The following CNTN4 variants were observed in gnomAD, a reference collection of about 807,000 sequenced individuals.
The protein encoded by CNTN4 is contactin 4, also known as contactin-4.
CNTN4 carries 77 observed loss-of-function variants against 122.5 expected under a neutral mutation model. The ratio of observed to expected loss-of-function variants is 0.63; its 90% confidence interval spans 0.52 to 0.76. The LOEUF (loss-of-function observed/expected upper bound fraction) is 0.76, where lower values mean the gene tolerates loss of function less well. Ranked by LOEUF, CNTN4 falls within the 30% of genes least tolerant of loss-of-function variation. The pLI, the probability that CNTN4 is intolerant of heterozygous loss-of-function variation, is 0.00. For missense variants in CNTN4, 1,256 were observed against 1,259.1 expected (o/e 1.00, Z 0.04); for synonymous variants, 512 against 447.0 (o/e 1.15, Z -1.83).
intron 2 of CNTN4, among the ~76,000 whole-genome samples, chr3:2,163,837 A>C (rs930455240): frequency 6.6e-6 from 1 of 152,224 alleles, no homozygotes; most frequent in Admixed American, 6.5e-5. Context: ...TTAAAAAGTC[A>C]AAAAATAATA....
rs560662761 is a variant in CNTN4 at position 2,265,759 on chromosome 3, T to C, written c.-144-73419T>C. 7.9e-3 allele frequency among the ~76,000 whole-genome samples: 815 copies of C among 103,792 alleles called. 12 individuals are homozygous for C. Among genetic ancestry groups the C allele is most frequent in the African/African-American group, 0.023 (774 of 34,044 alleles). The allele number at this position is 103,792 out of a possible 152,430, so 68.1% of individuals were successfully genotyped here. A position where few individuals can be genotyped will look rare whatever the true frequency, so the allele number is the denominator to read the frequency against. ...ATTTCCTTCATCAGTGTTTTATATA[T>C]ATATATTTTTTTTTGTGGAGATCTT... On this transcript the variant is annotated intron_variant, in intron 2 of 24. Transcript: ENST00000418658.
intron 3 of CNTN4, among the ~76,000 whole-genome samples, chr3:2,410,218 T>G (rs940746304): frequency 6.6e-6 from 1 of 152,208 alleles, no homozygotes; most frequent in Non-Finnish European, 1.5e-5. Flanking sequence ...CCCATGAACT[T>G]TGTGGGACAG....
chr3:3,003,502 A>G (rs887821106), intron 14 of CNTN4, among the ~76,000 whole-genome samples: 4 of 152,136 alleles, frequency 2.6e-5, no homozygotes, highest in Admixed American at 6.5e-5. Flanking sequence ...AAAAGGCCAC[A>G]TACTATATGA....
chr3:2,522,633 T>C (rs1206448918), intron 3 of CNTN4, among the ~76,000 whole-genome samples: 1 of 152,024 alleles, frequency 6.6e-6, no homozygotes, highest in Non-Finnish European at 1.5e-5. Flanking sequence ...GAAAAACAGT[T>C]TGGACAGTGC....
intron 4 of CNTN4, among the ~76,000 whole-genome samples, chr3:2,692,010 A>T (rs895098295): frequency 3.3e-5 from 5 of 152,162 alleles, no homozygotes; most frequent in Non-Finnish European, 7.3e-5. Context: ...ATGAATGTCA[A>T]CACCCTGCGT....
At chr3:2,226,051 G>A (rs190098370) in intron 2 of CNTN4, among the ~76,000 whole-genome samples, 71 of 152,250 alleles carry the variant, frequency 4.7e-4, no homozygotes, top group Admixed American at 2.7e-3. Context: ...AGGCTACAGT[G>A]GGATGGGGGA....
rs547021270 is a variant in CNTN4, at chr3:2,552,246, G to T, written c.-88-19170G>T. 6.6e-5 allele frequency among the ~76,000 whole-genome samples: 10 copies of T among 152,244 alleles called. No individual in the cohort carries two copies. In the South Asian group the frequency reaches 2.1e-3, roughly 32 times the overall value. On this transcript the variant is annotated intron_variant, in intron 3 of 24. Transcript: ENST00000418658. ...CAAAACAAAAAACAAGAACATTCAG[G>T]TGTTTCAGTAGAAACCGACAGAAAA...
At chr3:2,714,878 A>G (rs370435739) in intron 4 of CNTN4, among the ~76,000 whole-genome samples, 29 of 152,268 alleles carry the variant, frequency 1.9e-4, no homozygotes, top group East Asian at 1.4e-3. Flanking sequence ...CTGGGGTTAC[A>G]GGCATGAGGC....
chr3:2,645,322 T>C (rs1004910268), intron 4 of CNTN4, among the ~76,000 whole-genome samples: 14 of 152,192 alleles, frequency 9.2e-5, no homozygotes, highest in African/African-American at 3.4e-4. Context: ...GAGGTTCTTC[T>C]GACAAGATCT....
At chr3:2,629,985 G>A (rs1475921007) in intron 4 of CNTN4, among the ~76,000 whole-genome samples, 1 of 152,180 alleles carries the variant, frequency 6.6e-6, no homozygotes, top group Non-Finnish European at 1.5e-5. Flanking sequence ...AGCCAGAAAA[G>A]TAGGACCCTG....
intron 2 of CNTN4, among the ~76,000 whole-genome samples, chr3:2,227,647 C>A (rs1341520437): frequency 6.6e-6 from 1 of 152,112 alleles, no homozygotes; most frequent in African/African-American, 2.4e-5. Context: ...AATAAGAACA[C>A]AGAGAAGAGT....
chr3:2,150,552 G>A (rs1482210606), intron 2 of CNTN4, among the ~76,000 whole-genome samples: 1 of 152,048 alleles, frequency 6.6e-6, no homozygotes, highest in Non-Finnish European at 1.5e-5. Flanking sequence ...CCTCCCCTGG[G>A]GATTCTGTAG....
At chr3:2,490,741 A>G (rs2076292288) in intron 3 of CNTN4, among the ~76,000 whole-genome samples, 1 of 152,166 alleles carries the variant, frequency 6.6e-6, no homozygotes, top group Non-Finnish European at 1.5e-5. Context: ...ACCCTGAAAT[A>G]TGGTCATGAA....
intron 15 of CNTN4, among the ~76,000 whole-genome samples, chr3:3,028,636 C>G (rs1698926215): frequency 6.6e-6 from 1 of 152,136 alleles, no homozygotes; most frequent in South Asian, 2.1e-4. Flanking sequence ...CCCACCTTCC[C>G]TGCACGCATC....
intron 2 of CNTN4, among the ~76,000 whole-genome samples, chr3:2,129,489 C>T (rs763905710): frequency 2.0e-5 from 3 of 151,906 alleles, no homozygotes; most frequent in African/African-American, 7.2e-5. Context: ...TATTAAATTT[C>T]CTTTAGCATA....
chr3:3,043,835 C>G (rs149173990), intron 23 of CNTN4, 131 bp downstream of exon 23: 1 of 713,510 alleles, frequency 1.4e-6, no homozygotes, highest in Non-Finnish European at 2.6e-6. Flanking sequence ...GAATCGCTGC[C>G]TCCAACACGG....
intron 3 of CNTN4, among the ~76,000 whole-genome samples, chr3:2,459,443 G>A (rs2049122201): frequency 1.3e-5 from 2 of 152,038 alleles, no homozygotes; most frequent in African/African-American, 2.4e-5. Context: ...TTTTCCCATG[G>A]CATTTTCAGT....
chr3:2,550,513 T>C (rs1478827581), intron 3 of CNTN4, among the ~76,000 whole-genome samples: 1 of 152,160 alleles, frequency 6.6e-6, no homozygotes. Context: ...GAGTGCAAAC[T>C]AGTTCAACCA....
chr3:2,991,590 A>C (rs531612989), intron 14 of CNTN4, among the ~76,000 whole-genome samples: 1 of 152,132 alleles, frequency 6.6e-6, no homozygotes, highest in Non-Finnish European at 1.5e-5. Flanking sequence ...ATTAGCATTA[A>C]TGGGAAGTAC....
Sources: gnomAD v4.1 joint callset for allele counts (sites outside exome capture counted in the v4.1 genomes callset) on GRCh38, gnomAD v4.1.1 for gene constraint, MANE v1.5 for transcripts, NCBI Gene and HGNC (gene_info 2026-07-23, HGNC 2026-07-21) for gene names.